Variants in BMERB1 observed in about 807,000 individuals in gnomAD.
BMERB1 encodes the protein bMERB domain-containing protein 1.
Under a neutral mutation model 23.6 loss-of-function variants are expected in BMERB1, and 12 were observed. That is an observed-to-expected ratio of 0.51 (90% CI 0.33 to 0.82). The LOEUF is 0.82. Among genes scored for constraint, BMERB1 ranks in the 40% least tolerant of loss-of-function variants. The pLI is 0.03. For synonymous variants in BMERB1, 122 were observed against 96.6 expected (o/e 1.26, Z -1.54); for missense variants, 247 against 255.4 (o/e 0.97, Z 0.22).
chr16:15,441,242 CAG>C (rs2050936798), intron 1 of BMERB1, among the ~76,000 whole-genome samples: 1 of 152,126 alleles, frequency 6.6e-6, no homozygotes, highest in Non-Finnish European at 1.5e-5. Flanking sequence ...GTTTTTGAGA[CAG>C]GGTCTCGCTT....
At chr16:15,447,194 G>A (rs2050997314) in intron 1 of BMERB1, among the ~76,000 whole-genome samples, 1 of 152,096 alleles carries the variant, frequency 6.6e-6, no homozygotes, top group African/African-American at 2.4e-5. Flanking sequence ...ACTGAGACTG[G>A]GTGATTTGAA....
At chr16:15,466,693 C>G (rs1328923058) in intron 1 of BMERB1, among the ~76,000 whole-genome samples, 1 of 140,568 alleles carries the variant, frequency 7.1e-6, no homozygotes, top group Non-Finnish European at 1.6e-5. Context: ...TCATCCTATT[C>G]AGATTTCACC....
At chr16:15,572,850 A>G (rs1983013) in intron 3 of BMERB1, among the ~76,000 whole-genome samples, 50,379 of 151,890 alleles carry the variant, frequency 0.33, 8,739 homozygotes, top group East Asian at 0.54. Flanking sequence ...TTTCCCCCAT[A>G]CTATTCTCAT....
intron 1 of BMERB1, among the ~76,000 whole-genome samples, chr16:15,452,611 T>C (rs1482579959): frequency 6.6e-6 from 1 of 152,152 alleles, no homozygotes; most frequent in Non-Finnish European, 1.5e-5. Flanking sequence ...ACTCCTAAAA[T>C]AAGCACTTTT....
At chr16:15,479,525 A>G (rs2051301890) in intron 1 of BMERB1, among the ~76,000 whole-genome samples, 1 of 152,166 alleles carries the variant, frequency 6.6e-6, no homozygotes, top group Admixed American at 6.6e-5. Context: ...TAATCTGAAA[A>G]GGCTATTAAA....
In BMERB1 at chr16:15,581,347, G is replaced by C; in HGVS notation, c.419+16G>C. 5.0e-6 allele frequency: 8 copies of C among 1,601,084 alleles called. No individual in the cohort carries two copies. The highest frequency in any genetic ancestry group is 6.8e-6 in the Non-Finnish European group (8 of 1,170,372). On this transcript the variant is annotated intron_variant, in intron 4 of 5. Transcript: ENST00000300006. ...AGCGGTTAAGGTGAGTGCACTGCGG[G>C]TACCCGATCACTGGGCTGCAGGACA...
chr16:15,462,203 G>A (rs999318645), intron 1 of BMERB1, among the ~76,000 whole-genome samples: 1 of 127,906 alleles, frequency 7.8e-6, no homozygotes, highest in Non-Finnish European at 1.5e-5. Context: ...TCAGGCTGGA[G>A]TGCAATGGCG....
chr16:15,553,717 G>A (rs963183828), intron 2 of BMERB1, among the ~76,000 whole-genome samples: 2 of 152,190 alleles, frequency 1.3e-5, no homozygotes, highest in Admixed American at 6.5e-5. Flanking sequence ...TTCGTGAGTT[G>A]TACCAAAACA....
intron 1 of BMERB1, among the ~76,000 whole-genome samples, chr16:15,435,517 C>T (rs1381185062): frequency 6.6e-6 from 1 of 152,090 alleles, no homozygotes; most frequent in Non-Finnish European, 1.5e-5. Flanking sequence ...GTAGAGGCAG[C>T]GTCAGGGGCT....
intron 1 of BMERB1, among the ~76,000 whole-genome samples, chr16:15,475,046 G>A (rs1424370541): frequency 6.6e-6 from 1 of 152,056 alleles, no homozygotes; most frequent in East Asian, 1.9e-4. Flanking sequence ...AGGGGTGGTT[G>A]GGATGTATAT....
intron 1 of BMERB1, among the ~76,000 whole-genome samples, chr16:15,438,109 T>C (rs1598438610): frequency 6.6e-6 from 1 of 151,706 alleles, no homozygotes; most frequent in East Asian, 2.0e-4. Context: ...TTTTTTGAGA[T>C]GGAGTCTCAC....
Position 15,470,741 on chromosome 16 carries a change from A to T in BMERB1, c.106+35982A>T, listed in dbSNP as rs537659986. Among the ~76,000 whole-genome samples the T allele has an allele frequency of 4.9e-4, 70 of 144,274 alleles. 1 individual carries two copies. Among genetic ancestry groups the T allele is most frequent in the Non-Finnish European group, 9.6e-4 (64 of 66,576 alleles). 94.6% of individuals were successfully genotyped at this position (144,274 alleles called of 152,430 possible). ...GGGTTTCACCATGTTGGCCAAGATGATCTCAATCTCCTGACCTCATGATCT... is the reference window on the plus strand; with the variant it reads ...GGGTTTCACCATGTTGGCCAAGATGTTCTCAATCTCCTGACCTCATGATCT... On this transcript the variant is annotated intron_variant, in intron 1 of 5. Coordinates refer to ENST00000300006, the MANE Select transcript of BMERB1 (RefSeq NM_033201.3).
chr16:15,434,871 C>T (rs1335140015), intron 1 of BMERB1, 112 bp downstream of exon 1: 2 of 892,832 alleles, frequency 2.2e-6, no homozygotes, highest in Non-Finnish European at 1.7e-6. Flanking sequence ...GGAAGCGCCC[C>T]CGCAGCGGGG....
At chr16:15,522,886 C>T (rs1019389771) in intron 2 of BMERB1, among the ~76,000 whole-genome samples, 1 of 152,148 alleles carries the variant, frequency 6.6e-6, no homozygotes, top group Non-Finnish European at 1.5e-5. Flanking sequence ...TTTAGTTTTG[C>T]TATCTATAGG....
At chr16:15,517,892 T>G (rs1342270417) in intron 2 of BMERB1, among the ~76,000 whole-genome samples, 1 of 141,918 alleles carries the variant, frequency 7.0e-6, no homozygotes, top group Non-Finnish European at 1.5e-5. Context: ...GATGTGTGTG[T>G]GTGGATCTGT....
chr16:15,438,878 T>C (rs1405195998), intron 1 of BMERB1, among the ~76,000 whole-genome samples: 1 of 152,228 alleles, frequency 6.6e-6, no homozygotes, highest in African/African-American at 2.4e-5. Context: ...CCTCCATTTA[T>C]TTATTAAGTG....
At chr16:15,578,522 G>T (rs2030928742) in intron 3 of BMERB1, among the ~76,000 whole-genome samples, 1 of 152,032 alleles carries the variant, frequency 6.6e-6, no homozygotes, top group South Asian at 2.1e-4. Context: ...TATAAACTGG[G>T]GAAAACTATT....
At chr16:15,521,068 T>G (rs2150955694) in intron 2 of BMERB1, among the ~76,000 whole-genome samples, 1 of 152,274 alleles carries the variant, frequency 6.6e-6, no homozygotes, top group South Asian at 2.1e-4. Context: ...TTACATTTCT[T>G]CCCTGCTATG....
At chr16:15,561,036 A>G (rs1462063245) in intron 2 of BMERB1, among the ~76,000 whole-genome samples, 6 of 140,010 alleles carry the variant, frequency 4.3e-5, no homozygotes, top group East Asian at 4.3e-4. Context: ...GCTCACCGCA[A>G]TCTCTGCCTC....
Sources: allele counts gnomAD v4.1 joint callset (sites outside exome capture counted in the v4.1 genomes callset), GRCh38; gene constraint gnomAD v4.1.1; transcripts MANE v1.5; gene names NCBI Gene and HGNC (gene_info 2026-07-23, HGNC 2026-07-21).